The following SERPINB3 variants were observed in gnomAD, a reference collection of about 807,000 sequenced individuals.
SERPINB3 encodes the protein serpin family B member 3.
In SERPINB3, 33 loss-of-function variants were observed where a neutral mutation model predicts 33.0. The observed-to-expected ratio is 1.00, with a 90% CI of 0.76 to 1.34. The LOEUF (loss-of-function observed/expected upper bound fraction) is 1.34. Ranked by LOEUF, SERPINB3 falls within the 40% of genes most tolerant of loss-of-function variation. The probability of loss-of-function intolerance (pLI) is 0.00; values close to 1 mark genes in which losing one functional copy is unlikely to be tolerated. For missense variants in SERPINB3, 518 were observed against 461.5 expected (o/e 1.12, Z -1.12); for synonymous variants, 200 against 170.9 (o/e 1.17, Z -1.33).
intron 4 of SERPINB3, among the ~76,000 whole-genome samples, chr18:63,658,832 G>A (rs933570830): frequency 3.3e-5 from 5 of 152,122 alleles, no homozygotes; most frequent in Admixed American, 6.6e-5. Context: ...AGAGGTCACC[G>A]AAGGTCAATA....
At chr18:63,656,086 G>T in intron 7 of SERPINB3, 25 bp from the exon 8 acceptor site, 1 of 1,603,594 alleles carries the variant, frequency 6.2e-7, no homozygotes, top group Non-Finnish European at 8.5e-7. Context: ...AAAAGAAACT[G>T]ATATGACTAA....
chr18:63,657,519 C>T (rs1913529246), intron 5 of SERPINB3, 107 bp from the exon 6 acceptor site: 1 of 895,460 alleles, frequency 1.1e-6, no homozygotes, highest in Non-Finnish European at 1.6e-6. Flanking sequence ...ACCCAAATCC[C>T]TACTTGAGAC....
chr18:63,658,583 A>G lies in SERPINB3; in HGVS notation c.399T>C (p.Ser133=). The change falls in exon 5 of 8, where the codon TCT becomes TCC. Residue 133 remains serine (S), a synonymous_variant. Transcript: ENST00000283752. The part of the protein sequence containing the change: ...IKKFYQTSVE[S]VDFANAPEES... Reference sequence around the variant, plus strand: ...CTTCTGGAGCATTTGCAAAATCAACAGATTCCACACTGGTCTGGTAAAATT... The same window carrying G: ...CTTCTGGAGCATTTGCAAAATCAACGGATTCCACACTGGTCTGGTAAAATT... 1.2e-6 allele frequency: 2 copies of G among 1,613,202 alleles called. No homozygotes were observed. Among genetic ancestry groups the G allele is most frequent in the African/African-American group, 1.3e-5 (1 of 74,996 alleles).
In SERPINB3 at chr18:63,656,079, AG is replaced by A; in HGVS notation, c.769-19del. The A allele has an allele frequency of 6.2e-7, 1 of 1,607,430 alleles. No homozygotes were observed. The highest frequency in any genetic ancestry group is 1.1e-5 in the South Asian group (1 of 90,420). ...TCTTCAAGCTATACAAATGGAAAAA[AG>A]AAACTGATATGACTAACTGTTGATT... On this transcript the variant is annotated intron_variant, in intron 7 of 7. Transcript: ENST00000283752.
rs780975778 is a variant in SERPINB3, at chr18:63,658,497, T to C, written c.469+16A>G. On this transcript the variant is annotated intron_variant, in intron 5 of 7. Coordinates refer to ENST00000283752, the MANE Select transcript of SERPINB3 (RefSeq NM_006919.3). ...AGATTTCTCAAAGGTGTTTCTATAA[T>C]GGGTGGCTCTCCTACCATTCGTTTG... 15 of 1,598,518 alleles carry C rather than the reference T, an allele frequency of 9.4e-6. No homozygotes were observed. Among genetic ancestry groups the C allele is most frequent in the African/African-American group, 1.3e-5 (1 of 74,732 alleles).
Position 63,656,032 on chromosome 18 carries a change from C to A in SERPINB3, c.798G>T (p.Leu266Phe), listed in dbSNP as rs745523433. ...TATTCTGCAAACTTGTCCATTCCAT[C>A]AATTTCTCAGCAGTGAGTTTCTCTT... ...KLEEKLTAEK[L>F]MEWTSLQNMR... Residue 266 changes from leucine (L) to phenylalanine (F), a missense_variant, in exon 8 of 8, where the codon TTG (leucine) becomes TTT (phenylalanine). Coordinates refer to ENST00000283752, the MANE Select transcript of SERPINB3 (RefSeq NM_006919.3). The A allele has an allele frequency of 6.2e-7, 1 of 1,613,732 alleles. No individual in the cohort carries two copies.
At chr18:63,658,815 G>A (rs539088289) in intron 4 of SERPINB3, among the ~76,000 whole-genome samples, 185 bp from the exon 5 acceptor site, 19 of 152,254 alleles carry the variant, frequency 1.2e-4, no homozygotes, top group African/African-American at 2.2e-4. Flanking sequence ...GCGGGCTGGC[G>A]CAAGAAAGAG....
chr18:63,655,423 AT>A lies in SERPINB3; in HGVS notation c.*233del. ...TTAAGTGATTCATCTTATTTTGGAC[AT>A]TTTTCCTCAAGGAGAATTTTTCTGG... On this transcript the variant is annotated 3_prime_UTR_variant, in exon 8 of 8. Coordinates refer to ENST00000283752, the MANE Select transcript of SERPINB3 (RefSeq NM_006919.3). 1 of 471,672 alleles carries A rather than the reference AT, an allele frequency of 2.1e-6. No individual in the cohort carries two copies. The highest frequency in any genetic ancestry group is 3.7e-5 in the Admixed American group (1 of 27,156). The allele number at this position is 471,672 out of a possible 1,614,324, so 29.2% of individuals were successfully genotyped here. A position where few individuals can be genotyped will look rare whatever the true frequency, so the allele number is the denominator to read the frequency against.
chr18:63,657,063 C>T, intron 6 of SERPINB3, 77 bp from the exon 7 acceptor site: 3 of 1,273,564 alleles, frequency 2.4e-6, no homozygotes, highest in East Asian at 2.5e-5. Flanking sequence ...GATATCAACA[C>T]ATCCTTCTTT....
intron 5 of SERPINB3, 101 bp downstream of exon 5, chr18:63,658,412 G>C (rs538086838): frequency 6.2e-6 from 6 of 966,838 alleles, no homozygotes; most frequent in African/African-American, 3.3e-5. Context: ...TCCCTGCAAA[G>C]CCATCTCAAT....
rs191916968 is a variant in SERPINB3 at position 63,657,552 on chromosome 18, T to C, written c.470-140A>G. 314 of 686,780 alleles carry C rather than the reference T, an allele frequency of 4.6e-4. 1 individual carries two copies. Among genetic ancestry groups the C allele is most frequent in the Middle Eastern group, 4.8e-4 (1 of 2,104 alleles). The allele number at this position is 686,780 out of a possible 1,614,324, so 42.5% of individuals were successfully genotyped here. On this transcript the variant is annotated intron_variant, in intron 5 of 7. Transcript: ENST00000283752. ...GACTCACTGACTTTGATCTTTGAAT[T>C]GTTAGACTCACTGACCAGTGGTTCA...
intron 3 of SERPINB3, 32 bp from the exon 4 acceptor site, chr18:63,659,559 T>G (rs1300446991): frequency 6.2e-7 from 1 of 1,613,120 alleles, no homozygotes; most frequent in Admixed American, 1.7e-5. Context: ...ATCATTCAAT[T>G]GCTGTATCAA....
intron 5 of SERPINB3, among the ~76,000 whole-genome samples, chr18:63,657,972 T>C (rs1913542713): frequency 1.3e-5 from 2 of 151,712 alleles, no homozygotes; most frequent in South Asian, 4.2e-4. Flanking sequence ...GGAGGTAGGA[T>C]AGATGTCTAT....
rs151128643 is a variant in SERPINB3, at chr18:63,658,562, T to C, written c.420A>G (p.Pro140=). Reference sequence around the variant, plus strand: ...AGTTAATCTTCTTTCGACTTTCTTCTGGAGCATTTGCAAAATCAACAGATT... The same window carrying C: ...AGTTAATCTTCTTTCGACTTTCTTCCGGAGCATTTGCAAAATCAACAGATT... ...SVESVDFANA[P]EESRKKINSW... The change falls in exon 5 of 8, where the codon CCA becomes CCG. Residue 140 remains proline, a synonymous_variant. Coordinates refer to ENST00000283752, the MANE Select transcript of SERPINB3 (RefSeq NM_006919.3). 3.7e-6 allele frequency: 6 copies of C among 1,613,306 alleles called. No homozygotes were observed. In the African/African-American group the frequency reaches 8.0e-5, roughly 22 times the overall value.
intron 5 of SERPINB3, among the ~76,000 whole-genome samples, chr18:63,658,191 G>T (rs1012439799): frequency 5.3e-5 from 8 of 152,082 alleles, no homozygotes; most frequent in Admixed American, 4.6e-4. Context: ...ATAAAATATT[G>T]GTTCTGATTT....
intron 3 of SERPINB3, 87 bp downstream of exon 3, chr18:63,660,713 G>A (rs1267037523): frequency 1.3e-6 from 2 of 1,558,142 alleles, no homozygotes; most frequent in Non-Finnish European, 1.8e-6. Context: ...CCTAAAAATG[G>A]CCTTTTCTTA....
At chr18:63,658,669 A>C (rs1282355615) in intron 4 of SERPINB3, 39 bp from the exon 5 acceptor site, 1 of 1,505,948 alleles carries the variant, frequency 6.6e-7, no homozygotes, top group Admixed American at 1.7e-5. Flanking sequence ...AGTAAGAGTA[A>C]TTTATGTAAC....
intron 5 of SERPINB3, 51 bp downstream of exon 5, chr18:63,658,462 T>G (rs376330364): frequency 6.7e-7 from 1 of 1,496,190 alleles, no homozygotes; most frequent in Non-Finnish European, 9.3e-7. Flanking sequence ...GGCATAGGGC[T>G]CACTCGCATA....
At chr18:63,658,924 C>T (rs190137976) in intron 4 of SERPINB3, among the ~76,000 whole-genome samples, 39 of 152,316 alleles carry the variant, frequency 2.6e-4, no homozygotes, top group African/African-American at 8.4e-4. Context: ...TTCATTGCTT[C>T]TCAGACCTCT....
Sources: gnomAD v4.1 joint callset for allele counts (sites outside exome capture counted in the v4.1 genomes callset) on GRCh38, gnomAD v4.1.1 for gene constraint, MANE v1.5 for transcripts, NCBI Gene and HGNC (gene_info 2026-07-23, HGNC 2026-07-21) for gene names.